TRDN: variants seen among roughly 807,000 people sequenced by gnomAD.
TRDN encodes triadin in skeletal muscle.
A neutral mutation model predicts 149.7 loss-of-function variants in TRDN; 161 were observed. The ratio of observed to expected loss-of-function variants is 1.08; its 90% CI spans 0.95 to 1.23. The LOEUF is 1.23. Ranked by LOEUF, TRDN falls within the 50% of genes most tolerant of loss-of-function variation. The pLI is 0.00. For missense variants in TRDN, 896 were observed against 823.5 expected (o/e 1.09, Z -1.08); for synonymous variants, 294 against 250.5 (o/e 1.17, Z -1.64).
chr6:123,413,597 G>T (rs1773530536), intron 12 of TRDN, among the ~76,000 whole-genome samples: 1 of 152,086 alleles, frequency 6.6e-6, no homozygotes, highest in Non-Finnish European at 1.5e-5. Flanking sequence ...GAATTCTCCA[G>T]GAATAAATAG....
intron 19 of TRDN, among the ~76,000 whole-genome samples, chr6:123,369,151 T>C (rs1263938045): frequency 6.6e-6 from 1 of 152,152 alleles, no homozygotes; most frequent in Non-Finnish European, 1.5e-5. Flanking sequence ...CCCTTGGCAT[T>C]CCTTGGCTTG....
chr6:123,445,371 A>C (rs11154159), intron 10 of TRDN, among the ~76,000 whole-genome samples: 8,283 of 124,010 alleles, frequency 0.067, 346 homozygotes, highest in African/African-American at 0.16. Flanking sequence ...GCAACAAAAG[A>C]CAAAATTGAC....
At chr6:123,443,876 T>A (rs1775106871) in intron 10 of TRDN, among the ~76,000 whole-genome samples, 1 of 151,160 alleles carries the variant, frequency 6.6e-6, no homozygotes, top group Non-Finnish European at 1.5e-5. Context: ...TCTATTGATC[T>A]ATATCTCTGT....
At position 123,480,249 on chromosome 6, in the gene TRDN, CA is replaced by C. The variant is rs34445508; in HGVS notation, c.854-15267del. Among the ~76,000 whole-genome samples the C allele has an allele frequency of 8.8e-3, 870 of 98,382 alleles. 6 individuals carry two copies. Among genetic ancestry groups the C allele is most frequent in the African/African-American group, 8.6e-3 (205 of 23,862 alleles). The allele number at this position is 98,382 out of a possible 152,430, so 64.5% of individuals were successfully genotyped here. ...TCATAACAGAGTGACACTCCGTTTC[CA>C]AAAAAAAAAAAAAAAGAATGACTTT... On this transcript the variant is annotated intron_variant, in intron 9 of 40. Coordinates refer to ENST00000334268, the MANE Select transcript of TRDN (RefSeq NM_006073.4).
intron 21 of TRDN, among the ~76,000 whole-genome samples, chr6:123,342,237 C>G (rs1226001972): frequency 6.6e-6 from 1 of 151,796 alleles, no homozygotes; most frequent in East Asian, 1.9e-4. Context: ...AATTAGCCCT[C>G]CTTTATTTGA....
At chr6:123,612,336 C>A (rs1398296752) in intron 1 of TRDN, among the ~76,000 whole-genome samples, 10 of 150,112 alleles carry the variant, frequency 6.7e-5, no homozygotes, top group Non-Finnish European at 5.9e-5. Context: ...GTGCAGCACA[C>A]CAACATGGCA....
chr6:123,328,720 G>A (rs1259574651), intron 23 of TRDN, among the ~76,000 whole-genome samples: 1 of 152,090 alleles, frequency 6.6e-6, no homozygotes, highest in Non-Finnish European at 1.5e-5. Context: ...ATTAACTGTA[G>A]CACCAGAGAA....
At chr6:123,479,583 G>C (rs1276875513) in intron 9 of TRDN, among the ~76,000 whole-genome samples, 1 of 152,076 alleles carries the variant, frequency 6.6e-6, no homozygotes, top group Non-Finnish European at 1.5e-5. Context: ...AAACAAAATG[G>C]ATGACTTGCC....
chr6:123,595,819 ATGT>A (rs1784010100), intron 1 of TRDN, among the ~76,000 whole-genome samples: 1 of 152,064 alleles, frequency 6.6e-6, no homozygotes, highest in Non-Finnish European at 1.5e-5. Flanking sequence ...TGATTGATAA[ATGT>A]TGTGTGTGTT....
chr6:123,358,927 C>T lies in TRDN; in HGVS notation c.1322-6341G>A, dbSNP rs116519806. Among the ~76,000 whole-genome samples the T allele has an allele frequency of 4.3e-3, 659 of 152,164 alleles. 7 individuals carry two copies. The highest frequency in any genetic ancestry group is 0.015 in the African/African-American group (620 of 41,496). ...ACACATATTACTTCGGAGAGGTAGA[C>T]CTACAGCCATAGCATGATAAACTAT... is the stretch of plus-strand genomic sequence containing the variant. On this transcript the variant is annotated intron_variant, in intron 20 of 40. Transcript: ENST00000334268.
intron 20 of TRDN, among the ~76,000 whole-genome samples, chr6:123,354,015 G>A (rs1450019628): frequency 6.6e-6 from 1 of 151,712 alleles, no homozygotes; most frequent in Non-Finnish European, 1.5e-5. Flanking sequence ...CAGTGGGAAG[G>A]GGTAGGCAAG....
chr6:123,585,340 T>G (rs2114597384), intron 1 of TRDN, among the ~76,000 whole-genome samples: 1 of 151,838 alleles, frequency 6.6e-6, no homozygotes, highest in East Asian at 1.9e-4. Flanking sequence ...GCACCAGAGT[T>G]GGGGACTTTT....
At chr6:123,304,771 A>C (rs1778549567) in intron 24 of TRDN, among the ~76,000 whole-genome samples, 1 of 152,158 alleles carries the variant, frequency 6.6e-6, no homozygotes, top group Non-Finnish European at 1.5e-5. Context: ...TGGATCCATG[A>C]AACTGCTAAT....
intron 38 of TRDN, among the ~76,000 whole-genome samples, chr6:123,242,699 T>C (rs977715951): frequency 6.6e-6 from 1 of 152,034 alleles, no homozygotes. Context: ...AGTGTAGCAG[T>C]CTGTCTGGCT....
At chr6:123,452,372 T>C (rs753891618) in intron 10 of TRDN, among the ~76,000 whole-genome samples, 1 of 152,094 alleles carries the variant, frequency 6.6e-6, no homozygotes. Flanking sequence ...AGAAAGCTCC[T>C]AGAACTGATA....
intron 9 of TRDN, among the ~76,000 whole-genome samples, chr6:123,484,723 T>C (rs1169332396): frequency 6.6e-6 from 1 of 152,142 alleles, no homozygotes; most frequent in African/African-American, 2.4e-5. Flanking sequence ...AGCAAAGATA[T>C]ACCTACAGAA....
At chr6:123,617,020 A>G (rs1785124506) in intron 1 of TRDN, among the ~76,000 whole-genome samples, 1 of 152,230 alleles carries the variant, frequency 6.6e-6, no homozygotes, top group Non-Finnish European at 1.5e-5. Context: ...CAACAGAGTG[A>G]TCACACATCC....
At chr6:123,376,785 G>T (rs9482381) in intron 18 of TRDN, among the ~76,000 whole-genome samples, 1 of 151,842 alleles carries the variant, frequency 6.6e-6, no homozygotes, top group African/African-American at 2.4e-5. Flanking sequence ...GCCCCTTTGC[G>T]TGGTTTTTTA....
chr6:123,377,997 G>T, intron 16 of TRDN, 99 bp from the exon 17 acceptor site: 1 of 795,058 alleles, frequency 1.3e-6, no homozygotes, highest in Non-Finnish European at 1.9e-6. Context: ...TGCATGTGCT[G>T]ATGCCAGATT....
Sources: gnomAD v4.1 joint callset for allele counts (sites outside exome capture counted in the v4.1 genomes callset) on GRCh38, gnomAD v4.1.1 for gene constraint, MANE v1.5 for transcripts, NCBI Gene and HGNC (gene_info 2026-07-23, HGNC 2026-07-21) for gene names.